DPP10: variants seen among roughly 807,000 people sequenced by gnomAD.
DPP10 encodes the protein dipeptidyl peptidase like 10, also known as inactive dipeptidyl peptidase 10.
In DPP10, 33 loss-of-function variants were observed where a neutral mutation model predicts 120.9. The ratio of observed to expected loss-of-function variants is 0.27; its 90% confidence interval spans 0.21 to 0.37. The LOEUF is 0.37. DPP10 is among the 10% of genes least tolerant of loss of function. The pLI, the probability that DPP10 is intolerant of heterozygous loss-of-function variation, is 1.00. For missense variants in DPP10, 816 were observed against 942.8 expected (o/e 0.87, Z 1.76); for synonymous variants, 337 against 326.1 (o/e 1.03, Z -0.36).
intron 1 of DPP10, among the ~76,000 whole-genome samples, chr2:115,105,180 C>G (rs1257444867): frequency 6.6e-6 from 1 of 152,072 alleles, no homozygotes; most frequent in Non-Finnish European, 1.5e-5. Context: ...ATTATTCTTC[C>G]TTAAAATCTT....
intron 1 of DPP10, among the ~76,000 whole-genome samples, chr2:114,892,098 G>A (rs930435773): frequency 6.6e-6 from 1 of 152,146 alleles, no homozygotes; most frequent in African/African-American, 2.4e-5. Context: ...CAAAACTGTG[G>A]CCAGAGTTGT....
intron 9 of DPP10, among the ~76,000 whole-genome samples, chr2:115,743,093 G>A (rs1247288477): frequency 1.3e-5 from 2 of 151,484 alleles, no homozygotes. Context: ...GAATAATAGA[G>A]GGGAGAAATT....
intron 1 of DPP10, among the ~76,000 whole-genome samples, chr2:115,292,937 C>T (rs2060718422): frequency 6.6e-6 from 1 of 152,060 alleles, no homozygotes; most frequent in African/African-American, 2.4e-5. Context: ...CTCAGTGAAG[C>T]CAACTGGCTG....
intron 1 of DPP10, among the ~76,000 whole-genome samples, chr2:114,948,555 T>C (rs1186725586): frequency 1.3e-5 from 2 of 152,206 alleles, no homozygotes. Flanking sequence ...TTTATAATTT[T>C]AAATAATTAA....
At chr2:115,364,595 T>G (rs1276651379) in intron 3 of DPP10, among the ~76,000 whole-genome samples, 2 of 151,998 alleles carry the variant, frequency 1.3e-5, no homozygotes, top group Non-Finnish European at 2.9e-5. Flanking sequence ...TCAGTTCTTC[T>G]GTATACTCAA....
chr2:115,820,665 G>A (rs1237764028), intron 21 of DPP10, among the ~76,000 whole-genome samples: 1 of 151,996 alleles, frequency 6.6e-6, no homozygotes, highest in Non-Finnish European at 1.5e-5. Context: ...TTCCACTTAT[G>A]AGTGAGAATA....
chr2:115,444,312 A>G (rs991582937), intron 3 of DPP10, among the ~76,000 whole-genome samples: 2 of 152,214 alleles, frequency 1.3e-5, no homozygotes, highest in African/African-American at 4.8e-5. Context: ...TTTATGTTCT[A>G]AACTTAGTGA....
intron 1 of DPP10, among the ~76,000 whole-genome samples, chr2:114,648,362 C>A (rs1399253338): frequency 2.6e-5 from 4 of 152,180 alleles, no homozygotes; most frequent in African/African-American, 9.7e-5. Context: ...CTTCACAGTT[C>A]TTGACACCCA....
intron 1 of DPP10, among the ~76,000 whole-genome samples, chr2:114,570,649 C>T (rs1158866409): frequency 6.6e-6 from 1 of 151,332 alleles, no homozygotes; most frequent in Non-Finnish European, 1.5e-5. Context: ...TATGGTGAAA[C>T]CCCGTCTCTA....
At chr2:114,460,058 A>G (rs189410879) in intron 1 of DPP10, among the ~76,000 whole-genome samples, 5 of 152,324 alleles carry the variant, frequency 3.3e-5, no homozygotes, top group East Asian at 3.9e-4. Flanking sequence ...ATTTTCTTCT[A>G]CAGATTATAA....
At chr2:115,191,052 C>A (rs1559213557) in intron 1 of DPP10, among the ~76,000 whole-genome samples, 1 of 152,104 alleles carries the variant, frequency 6.6e-6, no homozygotes, top group Non-Finnish European at 1.5e-5. Context: ...CCTATGGGGT[C>A]CTTCCCTGAG....
Position 114,562,415 on chromosome 2 carries a change from A to G in DPP10, c.60+119577A>G, listed in dbSNP as rs568986303. 1.4e-4 allele frequency among the ~76,000 whole-genome samples: 21 copies of G among 152,348 alleles called. No homozygotes were observed. The East Asian group carries it at 3.7e-3, about 27-fold the overall frequency. The stretch of plus-strand genomic sequence containing the variant: ...TCACTGGTATGTTTCAATTATTTAA[A>G]GTCAGAATAGCATCTTCTGGGCAGC... On this transcript the variant is annotated intron_variant, in intron 1 of 25. Coordinates refer to ENST00000410059, the MANE Select transcript of DPP10 (RefSeq NM_020868.6).
At chr2:115,676,689 C>G (rs951799697) in intron 5 of DPP10, among the ~76,000 whole-genome samples, 1 of 151,852 alleles carries the variant, frequency 6.6e-6, no homozygotes, top group African/African-American at 2.4e-5. Context: ...GACTACGGGA[C>G]GTATAAGAGG....
chr2:115,814,540 C>T (rs1687010848), intron 19 of DPP10: 2 of 276,734 alleles, frequency 7.2e-6, no homozygotes. Context: ...ATGAGCTAAA[C>T]TAATTTCTAC....
At chr2:115,486,524 G>A (rs1336492342) in intron 3 of DPP10, among the ~76,000 whole-genome samples, 1 of 152,096 alleles carries the variant, frequency 6.6e-6, no homozygotes, top group East Asian at 1.9e-4. Context: ...AGATGCTCAA[G>A]TGGAAGAGAA....
At chr2:115,019,056 C>T (rs1215389398) in intron 1 of DPP10, among the ~76,000 whole-genome samples, 2 of 151,704 alleles carry the variant, frequency 1.3e-5, no homozygotes, top group Non-Finnish European at 2.9e-5. Flanking sequence ...CACCTGCCAC[C>T]CCTCCCCCAC....
chr2:114,758,771 C>A (rs1285714918), intron 1 of DPP10, among the ~76,000 whole-genome samples: 4 of 152,026 alleles, frequency 2.6e-5, no homozygotes, highest in Non-Finnish European at 5.9e-5. Flanking sequence ...TGAAAAATAG[C>A]AGAAATCTCA....
chr2:115,219,421 C>T (rs1047242848), intron 1 of DPP10, among the ~76,000 whole-genome samples: 18 of 152,066 alleles, frequency 1.2e-4, no homozygotes, highest in African/African-American at 3.9e-4. Flanking sequence ...ACTTCTGTTC[C>T]GTAAGTGTAT....
rs570601658 is a variant in DPP10 at position 115,379,229 on chromosome 2, A to T, written c.271+35317A>T. 4.5e-4 allele frequency among the ~76,000 whole-genome samples: 69 copies of T among 152,180 alleles called. No individual in the cohort carries two copies. In the South Asian group the frequency reaches 0.014, roughly 31 times the overall value. ...CTATTGATTATTGCCACAATTTCAG[A>T]TCCTGTTATTGGTCTATTCAGAGAT... On this transcript the variant is annotated intron_variant, in intron 3 of 25. Coordinates refer to ENST00000410059, the MANE Select transcript of DPP10 (RefSeq NM_020868.6).
Sources: gnomAD v4.1 joint callset for allele counts (sites outside exome capture counted in the v4.1 genomes callset) on GRCh38, gnomAD v4.1.1 for gene constraint, MANE v1.5 for transcripts, NCBI Gene and HGNC (gene_info 2026-07-23, HGNC 2026-07-21) for gene names.